KCNAB1: variants seen among roughly 807,000 people sequenced by gnomAD.
The protein encoded by KCNAB1 is voltage-gated potassium channel subunit beta-1.
In KCNAB1, 35 loss-of-function variants were observed where a neutral mutation model predicts 64.6. That is an observed-to-expected ratio of 0.54 (90% CI 0.41 to 0.72). The LOEUF is 0.72. Among genes scored for constraint, KCNAB1 ranks in the 30% least tolerant of loss-of-function variants. The probability of loss-of-function intolerance (pLI) is 0.00; values close to 1 mark genes in which losing one functional copy is unlikely to be tolerated. For missense variants in KCNAB1, 401 were observed against 512.9 expected, an observed-to-expected ratio of 0.78 and a Z score of 2.11; for synonymous variants, 177 against 183.8, an observed-to-expected ratio of 0.96 and a Z score of 0.30.
At chr3:156,155,397 T>G (rs916265534) in intron 1 of KCNAB1, among the ~76,000 whole-genome samples, 10 of 152,138 alleles carry the variant, frequency 6.6e-5, no homozygotes, top group African/African-American at 2.4e-4. Flanking sequence ...TAAATAAAAT[T>G]TATAATACTT....
chr3:156,242,434 C>T (rs1717213364), intron 1 of KCNAB1, among the ~76,000 whole-genome samples: 1 of 152,126 alleles, frequency 6.6e-6, no homozygotes, highest in Admixed American at 6.6e-5. Flanking sequence ...TCTTTTATCC[C>T]CCACCCGCTT....
chr3:156,521,734 C>T (rs1227962415), intron 11 of KCNAB1, among the ~76,000 whole-genome samples: 1 of 152,190 alleles, frequency 6.6e-6, no homozygotes, highest in East Asian at 1.9e-4. Flanking sequence ...AATTAAGCCT[C>T]ATCTCCTATC....
At chr3:156,399,367 T>C (rs1227284236) in intron 1 of KCNAB1, among the ~76,000 whole-genome samples, 1 of 152,220 alleles carries the variant, frequency 6.6e-6, no homozygotes, top group Non-Finnish European at 1.5e-5. Flanking sequence ...GGGTGGGGTA[T>C]GTGTGACATC....
intron 1 of KCNAB1, among the ~76,000 whole-genome samples, chr3:156,221,681 G>A (rs1184834325): frequency 1.3e-5 from 2 of 152,012 alleles, no homozygotes; most frequent in African/African-American, 4.8e-5. Context: ...GGGAGGCTGA[G>A]GTGGGAGAAT....
intron 1 of KCNAB1, among the ~76,000 whole-genome samples, chr3:156,148,236 C>T (rs1400265454): frequency 6.6e-6 from 1 of 152,126 alleles, no homozygotes; most frequent in African/African-American, 2.4e-5. Context: ...CAGCATTGAC[C>T]ACCAGACTTT....
At chr3:156,149,645 C>T (rs1207239693) in intron 1 of KCNAB1, among the ~76,000 whole-genome samples, 1 of 152,120 alleles carries the variant, frequency 6.6e-6, no homozygotes, top group East Asian at 1.9e-4. Context: ...GCTTCCTTAT[C>T]TACAAAATGA....
rs556797657 is a variant in KCNAB1 at position 156,180,569 on chromosome 3, C to CT, written c.275+59692dup. ...ACTGCTTACAATGATCCATTTTCTA[C>CT]TTTTTTTTTACAGTAATATTTAAGT... On this transcript the variant is annotated intron_variant, in intron 1 of 13. Coordinates refer to ENST00000490337, the MANE Select transcript of KCNAB1 (RefSeq NM_172160.3). 5.4e-3 allele frequency among the ~76,000 whole-genome samples: 810 copies of CT among 151,348 alleles called. 10 individuals carry two copies. Among genetic ancestry groups the CT allele is most frequent in the South Asian group, 0.041 (196 of 4,794 alleles).
At chr3:156,264,016 CAAG>C (rs1454951610) in intron 1 of KCNAB1, among the ~76,000 whole-genome samples, 5 of 151,992 alleles carry the variant, frequency 3.3e-5, no homozygotes, top group Admixed American at 6.6e-5. Context: ...TTAAAATCGC[CAAG>C]AAGAAGTGTT....
intron 1 of KCNAB1, among the ~76,000 whole-genome samples, chr3:156,313,971 T>C (rs1221606344): frequency 6.6e-6 from 1 of 152,238 alleles, no homozygotes; most frequent in Non-Finnish European, 1.5e-5. Context: ...GTAGCCTTCT[T>C]TCCCCATCTG....
intron 8 of KCNAB1, among the ~76,000 whole-genome samples, chr3:156,503,679 G>A (rs2108371859): frequency 6.6e-6 from 1 of 152,246 alleles, no homozygotes; most frequent in Admixed American, 6.5e-5. Context: ...AAAGATAAAG[G>A]TGGAGGGAAA....
At chr3:156,425,503 G>A (rs1715755673) in intron 2 of KCNAB1, among the ~76,000 whole-genome samples, 1 of 152,116 alleles carries the variant, frequency 6.6e-6, no homozygotes, top group Admixed American at 6.5e-5. Context: ...TGCCTGTTCT[G>A]TAAATATACT....
intron 1 of KCNAB1, among the ~76,000 whole-genome samples, chr3:156,209,040 A>G (rs1027782549): frequency 1.3e-5 from 2 of 152,248 alleles, no homozygotes; most frequent in African/African-American, 4.8e-5. Context: ...GTGTTAAAAG[A>G]GGCGTAAGAT....
chr3:156,389,973 A>C (rs535273841), intron 1 of KCNAB1, among the ~76,000 whole-genome samples: 67 of 152,190 alleles, frequency 4.4e-4, no homozygotes, highest in Non-Finnish European at 7.8e-4. Context: ...TGCAAAGCTG[A>C]AAATATTTAT....
chr3:156,233,756 A>G (rs1035761841), intron 1 of KCNAB1, among the ~76,000 whole-genome samples: 2 of 152,016 alleles, frequency 1.3e-5, no homozygotes, highest in African/African-American at 4.8e-5. Context: ...CTCTTCAGTA[A>G]AGAGCTGGGA....
At chr3:156,439,903 G>C (rs150106016) in intron 2 of KCNAB1, among the ~76,000 whole-genome samples, 11 of 152,348 alleles carry the variant, frequency 7.2e-5, no homozygotes, top group African/African-American at 2.6e-4. Context: ...TGTGTATTCA[G>C]GTGTGGTGGC....
At chr3:156,529,551 T>C (rs1576982056) in intron 12 of KCNAB1, among the ~76,000 whole-genome samples, 1 of 145,996 alleles carries the variant, frequency 6.8e-6, no homozygotes, top group African/African-American at 2.5e-5. Context: ...TACCTAGGAG[T>C]GTGTTAAAAA....
intron 8 of KCNAB1, among the ~76,000 whole-genome samples, chr3:156,487,343 C>T (rs1007824616): frequency 3.3e-5 from 5 of 152,102 alleles, no homozygotes; most frequent in South Asian, 2.1e-4. Context: ...GTCACTTCAA[C>T]TTTGGGAAGT....
chr3:156,320,516 C>T (rs770051132), intron 1 of KCNAB1, among the ~76,000 whole-genome samples: 2 of 152,122 alleles, frequency 1.3e-5, no homozygotes, highest in Non-Finnish European at 1.5e-5. Flanking sequence ...TCACTGTGTA[C>T]AATTCATTTT....
At chr3:156,266,467 TC>T (rs1718718749) in intron 1 of KCNAB1, among the ~76,000 whole-genome samples, 1 of 152,328 alleles carries the variant, frequency 6.6e-6, no homozygotes, top group Non-Finnish European at 1.5e-5. Flanking sequence ...AAAGCACCTC[TC>T]TGCACAGCTG....
Sources: allele counts gnomAD v4.1 joint callset (sites outside exome capture counted in the v4.1 genomes callset), GRCh38; gene constraint gnomAD v4.1.1; transcripts MANE v1.5; gene names NCBI Gene and HGNC (gene_info 2026-07-23, HGNC 2026-07-21).